Variants in ZNF385D observed in about 807,000 individuals in gnomAD.
ZNF385D encodes zinc finger protein 385D, also known as zinc finger protein 659.
In ZNF385D, 15 loss-of-function variants were observed where a neutral mutation model predicts 35.8. That is an observed-to-expected ratio of 0.42 (90% CI 0.28 to 0.64). The LOEUF (loss-of-function observed/expected upper bound fraction) is 0.64. Among genes scored for constraint, ZNF385D ranks in the 30% least tolerant of loss-of-function variants. The pLI is 0.23. For synonymous variants in ZNF385D, 212 were observed against 186.8 expected (o/e 1.13, Z -1.10); for missense variants, 474 against 494.6 (o/e 0.96, Z 0.39).
intron 1 of ZNF385D, among the ~76,000 whole-genome samples, chr3:21,716,899 G>A (rs2068343883): frequency 6.6e-6 from 1 of 151,964 alleles, no homozygotes. Context: ...TGAGGCGGGT[G>A]GATCACAAGG....
chr3:22,022,618 C>T (rs535133694), intron 3 of ZNF385D, among the ~76,000 whole-genome samples: 22 of 152,170 alleles, frequency 1.4e-4, no homozygotes, highest in African/African-American at 4.1e-4. Context: ...TAGCATATTC[C>T]GGATCCTACC....
intron 3 of ZNF385D, among the ~76,000 whole-genome samples, chr3:22,119,432 T>A (rs192935200): frequency 1.3e-3 from 198 of 152,260 alleles, no homozygotes; most frequent in Admixed American, 2.6e-3. Flanking sequence ...ACATAATTTG[T>A]TGGGGGGAAT....
At chr3:22,316,538 A>G (rs531946865) in intron 2 of ZNF385D, among the ~76,000 whole-genome samples, 1 of 152,324 alleles carries the variant, frequency 6.6e-6, no homozygotes, top group South Asian at 2.1e-4. Context: ...AAGTGTGACA[A>G]TACAGGAGCT....
chr3:22,332,991 G>T (rs572206166), intron 2 of ZNF385D, among the ~76,000 whole-genome samples: 365 of 151,864 alleles, frequency 2.4e-3, no homozygotes, highest in Non-Finnish European at 4.3e-3. Context: ...TTCAGAGAAG[G>T]CCTGCTGGAA....
In ZNF385D at chr3:21,496,505, CAT is replaced by C. The variant is rs570706326; in HGVS notation, c.439+14354_439+14355del. On this transcript the variant is annotated intron_variant, in intron 4 of 7. Transcript: ENST00000281523. ...ATACACATATATTTGATATATATAT[CAT>C]ATATATATACACATATATTTGATAT... Among the ~76,000 whole-genome samples the C allele has an allele frequency of 5.8e-3, 734 of 125,754 alleles. 9 individuals are homozygous for C. Among genetic ancestry groups the C allele is most frequent in the African/African-American group, 9.6e-3 (313 of 32,446 alleles). The allele number at this position is 125,754 out of a possible 152,430, so 82.5% of individuals were successfully genotyped here.
chr3:22,133,198 A>C (rs1440349110), intron 3 of ZNF385D, among the ~76,000 whole-genome samples: 3 of 152,180 alleles, frequency 2.0e-5, no homozygotes, highest in South Asian at 4.1e-4. Flanking sequence ...GGATTCTTAA[A>C]TATCTCCAGC....
intron 2 of ZNF385D, among the ~76,000 whole-genome samples, chr3:22,209,051 C>A (rs890453876): frequency 2.6e-5 from 4 of 151,810 alleles, no homozygotes; most frequent in African/African-American, 9.7e-5. Context: ...CCTGGAGTCA[C>A]TGAAAATTGT....
chr3:21,685,962 G>A (rs929225583), intron 1 of ZNF385D, among the ~76,000 whole-genome samples: 39 of 152,116 alleles, frequency 2.6e-4, no homozygotes, highest in African/African-American at 9.4e-4. Flanking sequence ...AGAAGAAAGA[G>A]AACAATGGTG....
At chr3:21,441,973 C>T (rs1701882390) in intron 4 of ZNF385D, among the ~76,000 whole-genome samples, 1 of 152,162 alleles carries the variant, frequency 6.6e-6, no homozygotes, top group African/African-American at 2.4e-5. Flanking sequence ...ATTACTGCAA[C>T]TGTCACTATT....
intron 3 of ZNF385D, among the ~76,000 whole-genome samples, chr3:21,935,819 T>C (rs1701230894): frequency 6.6e-6 from 1 of 152,142 alleles, no homozygotes; most frequent in South Asian, 2.1e-4. Flanking sequence ...GAGTACCTTT[T>C]CTTGACTTCC....
At chr3:21,522,804 T>C (rs1410690783) in intron 3 of ZNF385D, among the ~76,000 whole-genome samples, 1 of 152,082 alleles carries the variant, frequency 6.6e-6, no homozygotes, top group Non-Finnish European at 1.5e-5. Context: ...GTTTTCCTAT[T>C]GCATTAAGAA....
At chr3:22,155,647 C>T (rs1397557888) in intron 3 of ZNF385D, among the ~76,000 whole-genome samples, 1 of 152,000 alleles carries the variant, frequency 6.6e-6, no homozygotes, top group Non-Finnish European at 1.5e-5. Flanking sequence ...AATGTAAGAA[C>T]TCCTGTTAAA....
chr3:21,842,092 A>C (rs943279380), intron 3 of ZNF385D, among the ~76,000 whole-genome samples: 1 of 151,914 alleles, frequency 6.6e-6, no homozygotes, highest in African/African-American at 2.4e-5. Flanking sequence ...ATTTAAAACT[A>C]TATGTTATTT....
At chr3:21,994,953 C>G (rs1202225764) in intron 3 of ZNF385D, among the ~76,000 whole-genome samples, 1 of 152,206 alleles carries the variant, frequency 6.6e-6, no homozygotes, top group East Asian at 1.9e-4. Flanking sequence ...TGTGTAAACA[C>G]TTGAGCCCTC....
intron 3 of ZNF385D, among the ~76,000 whole-genome samples, chr3:21,834,576 T>G (rs1164787468): frequency 6.6e-6 from 1 of 152,174 alleles, no homozygotes. Flanking sequence ...AGCCTTACCC[T>G]ACCTTTGTAC....
In ZNF385D at chr3:21,465,628, T is replaced by C. The variant is rs1241620472; in HGVS notation, c.440-28425A>G. Among the ~76,000 whole-genome samples the C allele has an allele frequency of 6.6e-6, 1 of 152,254 alleles. No individual in the cohort carries two copies. The highest frequency in any genetic ancestry group is 1.5e-5 in the Non-Finnish European group (1 of 68,048). On this transcript the variant is annotated intron_variant, in intron 4 of 7. Coordinates refer to ENST00000281523, the MANE Select transcript of ZNF385D (RefSeq NM_024697.3). The surrounding 1 kb of genome is among the most constrained non-coding windows in gnomAD (Gnocchi z 4.2). Reference sequence around the variant, plus strand: ...GAGTTATGCATATTTCCTGGCACTCTTGTCTCACATCTGTGTAAGTCTCCG... The same window carrying C: ...GAGTTATGCATATTTCCTGGCACTCCTGTCTCACATCTGTGTAAGTCTCCG...
At chr3:21,959,540 T>C (rs1013370668) in intron 3 of ZNF385D, among the ~76,000 whole-genome samples, 1 of 152,160 alleles carries the variant, frequency 6.6e-6, no homozygotes, top group Non-Finnish European at 1.5e-5. Flanking sequence ...GAAAGAACCA[T>C]GTAAGGTACT....
chr3:21,438,502 A>G (rs1701688430), intron 4 of ZNF385D, among the ~76,000 whole-genome samples: 1 of 152,188 alleles, frequency 6.6e-6, no homozygotes, highest in Non-Finnish European at 1.5e-5. Flanking sequence ...CTTAACTGGA[A>G]TATCCCCTTT....
At chr3:21,906,569 G>C (rs1264069765) in intron 3 of ZNF385D, among the ~76,000 whole-genome samples, 1 of 152,088 alleles carries the variant, frequency 6.6e-6, no homozygotes, top group Non-Finnish European at 1.5e-5. Context: ...ATGTGACCTT[G>C]CCTTCACCCA....
Sources: gnomAD v4.1 joint callset for allele counts (sites outside exome capture counted in the v4.1 genomes callset) on GRCh38, gnomAD v4.1.1 for gene constraint, Gnocchi (gnomAD v3.1) non-coding constraint, MANE v1.5 for transcripts, NCBI Gene and HGNC (gene_info 2026-07-23, HGNC 2026-07-21) for gene names.